Variants in CLSTN2 observed in about 807,000 individuals in gnomAD.
The protein encoded by CLSTN2 is calsyntenin-2.
CLSTN2 carries 48 observed loss-of-function variants against 101.2 expected under a neutral mutation model. The observed-to-expected ratio is 0.47, with a 90% CI of 0.38 to 0.60. CLSTN2 has a LOEUF of 0.60. Ranked by LOEUF, CLSTN2 falls within the 20% of genes least tolerant of loss-of-function variation. The pLI, the probability that CLSTN2 is intolerant of heterozygous loss-of-function variation, is 0.00. For synonymous variants in CLSTN2, 481 were observed against 463.6 expected (o/e 1.04, Z -0.48); for missense variants, 1,160 against 1,238.2 (o/e 0.94, Z 0.95).
chr3:140,031,305 CA>C (rs1410536828), intron 1 of CLSTN2, among the ~76,000 whole-genome samples: 2 of 152,232 alleles, frequency 1.3e-5, no homozygotes, highest in East Asian at 3.9e-4. Flanking sequence ...TAGTGACGCG[CA>C]GCATGAAATT....
intron 2 of CLSTN2, among the ~76,000 whole-genome samples, chr3:140,256,495 G>C (rs1396871064): frequency 1.3e-5 from 2 of 152,174 alleles, no homozygotes; most frequent in African/African-American, 2.4e-5. Context: ...GATTTAATGA[G>C]ATAAAATGAG....
chr3:140,385,249 A>C (rs1240906601), intron 2 of CLSTN2, among the ~76,000 whole-genome samples: 1 of 152,042 alleles, frequency 6.6e-6, no homozygotes, highest in Admixed American at 6.5e-5. Context: ...TCTCACACCT[A>C]AGAAGCATCT....
intron 1 of CLSTN2, among the ~76,000 whole-genome samples, chr3:140,139,740 C>T (rs146938703): frequency 7.9e-4 from 121 of 152,340 alleles, no homozygotes; most frequent in Admixed American, 7.2e-4. Flanking sequence ...GTTCATTACT[C>T]TGTGTAACAG....
chr3:140,534,585 C>A (rs1010036314), intron 9 of CLSTN2, among the ~76,000 whole-genome samples: 1 of 152,212 alleles, frequency 6.6e-6, no homozygotes, highest in Admixed American at 6.5e-5. Flanking sequence ...TCCGCCTTAT[C>A]CACAGTCAGT....
At chr3:140,231,125 G>A (rs1423260531) in intron 2 of CLSTN2, among the ~76,000 whole-genome samples, 3 of 152,170 alleles carry the variant, frequency 2.0e-5, no homozygotes, top group African/African-American at 7.2e-5. Context: ...AGTGCATGGT[G>A]AGAAAAGTAT....
rs192407857 is a variant in CLSTN2 at position 140,006,658 on chromosome 3, T to G, written c.109+71175T>G. Reference sequence around the variant, plus strand: ...TCCTGAGTTTCTGTTCCACACCTGTTACCAGCTGTGTGATATTTGCTATGA... The same window carrying G: ...TCCTGAGTTTCTGTTCCACACCTGTGACCAGCTGTGTGATATTTGCTATGA... On this transcript the variant is annotated intron_variant, in intron 1 of 16. Transcript: ENST00000458420. 7.5e-4 allele frequency among the ~76,000 whole-genome samples: 114 copies of G among 152,356 alleles called. No individual in the cohort carries two copies. The Middle Eastern group carries it at 0.044, about 59-fold the overall frequency.
At chr3:140,244,608 G>A (rs2086499154) in intron 2 of CLSTN2, among the ~76,000 whole-genome samples, 1 of 152,152 alleles carries the variant, frequency 6.6e-6, no homozygotes, top group South Asian at 2.1e-4. Flanking sequence ...CATAATAGCT[G>A]CTTAATAACA....
In CLSTN2 at chr3:140,196,054, A is replaced by G. The variant is rs923502181; in HGVS notation, c.232+19981A>G. 3.9e-5 allele frequency among the ~76,000 whole-genome samples: 6 copies of G among 152,330 alleles called. No individual in the cohort carries two copies. In the East Asian group the frequency reaches 1.2e-3, roughly 29 times the overall value. ...TGATGGGCAGCTCCCTAGTTGGGGC[A>G]TCTTCCTGATGGTTAGTCCTAGGCG... On this transcript the variant is annotated intron_variant, in intron 2 of 16. Transcript: ENST00000458420.
At chr3:140,287,000 C>T (rs937975554) in intron 2 of CLSTN2, among the ~76,000 whole-genome samples, 1 of 152,092 alleles carries the variant, frequency 6.6e-6, no homozygotes, top group Non-Finnish European at 1.5e-5. Context: ...ATCCACAGAG[C>T]AGATAATGAA....
At chr3:140,392,037 A>C (rs1263955245) in intron 2 of CLSTN2, among the ~76,000 whole-genome samples, 2 of 152,054 alleles carry the variant, frequency 1.3e-5, no homozygotes, top group African/African-American at 2.4e-5. Flanking sequence ...AAGAAAACAA[A>C]AGTGAGCATA....
chr3:140,109,125 G>A (rs1433990112), intron 1 of CLSTN2, among the ~76,000 whole-genome samples: 1 of 152,172 alleles, frequency 6.6e-6, no homozygotes, highest in Non-Finnish European at 1.5e-5. Flanking sequence ...GGGCATGTGA[G>A]TCTTTATGGG....
intron 5 of CLSTN2, among the ~76,000 whole-genome samples, chr3:140,441,415 C>G (rs992729210): frequency 1.3e-5 from 2 of 152,228 alleles, no homozygotes; most frequent in Non-Finnish European, 2.9e-5. Context: ...CTTAACCACT[C>G]ATTGTATGTC....
chr3:140,170,240 G>T (rs970382629), intron 1 of CLSTN2, among the ~76,000 whole-genome samples: 1 of 152,146 alleles, frequency 6.6e-6, no homozygotes, highest in Non-Finnish European at 1.5e-5. Context: ...AGTAATTATT[G>T]TACAATACTT....
intron 2 of CLSTN2, among the ~76,000 whole-genome samples, chr3:140,321,336 C>T (rs141041257): frequency 1.6e-3 from 241 of 152,306 alleles, no homozygotes; most frequent in African/African-American, 4.8e-3. Context: ...TTCAGCACCA[C>T]CTTTGACCAG....
chr3:139,966,165 G>A (rs1384489006), intron 1 of CLSTN2, among the ~76,000 whole-genome samples: 1 of 152,060 alleles, frequency 6.6e-6, no homozygotes, highest in East Asian at 1.9e-4. Context: ...CTGTGGGTAG[G>A]GGTAACTGCA....
chr3:140,513,751 A>C (rs1415151229), intron 8 of CLSTN2, among the ~76,000 whole-genome samples: 1 of 151,756 alleles, frequency 6.6e-6, no homozygotes, highest in African/African-American at 2.4e-5. Flanking sequence ...TTTAGATGTA[A>C]ATCTGTCTGG....
At chr3:140,037,314 G>T (rs1174326855) in intron 1 of CLSTN2, among the ~76,000 whole-genome samples, 2 of 151,948 alleles carry the variant, frequency 1.3e-5, no homozygotes, top group Non-Finnish European at 2.9e-5. Context: ...TAAATATGTA[G>T]CCTGGATTGA....
At chr3:140,253,418 T>C (rs1207692075) in intron 2 of CLSTN2, among the ~76,000 whole-genome samples, 2 of 152,192 alleles carry the variant, frequency 1.3e-5, no homozygotes, top group African/African-American at 4.8e-5. Flanking sequence ...GAGTCTGACG[T>C]TCCTTAATTA....
rs75832763 is a variant in CLSTN2 at position 140,243,967 on chromosome 3, C to T, written c.232+67894C>T. On this transcript the variant is annotated intron_variant, in intron 2 of 16. Transcript: ENST00000458420. ...GTATAACTGCCCCCTCTTTGTGCAACCAAGACCTATAGCCACACATCTTCT... is the reference window on the plus strand; with the variant it reads ...GTATAACTGCCCCCTCTTTGTGCAATCAAGACCTATAGCCACACATCTTCT... Among the ~76,000 whole-genome samples, 220 of 152,300 alleles carry T rather than the reference C, an allele frequency of 1.4e-3. 2 individuals carry two copies. The East Asian group carries it at 0.036, about 25-fold the overall frequency.
Sources: gnomAD v4.1 joint callset for allele counts (sites outside exome capture counted in the v4.1 genomes callset) on GRCh38, gnomAD v4.1.1 for gene constraint, MANE v1.5 for transcripts, NCBI Gene and HGNC (gene_info 2026-07-23, HGNC 2026-07-21) for gene names.